GMDS: variants seen among roughly 807,000 people sequenced by gnomAD.
GMDS encodes GDP-mannose 4,6-dehydratase.
Under a neutral mutation model 49.9 loss-of-function variants are expected in GMDS, and 20 were observed. The ratio of observed to expected loss-of-function variants is 0.40; its 90% CI spans 0.28 to 0.58. The LOEUF (loss-of-function observed/expected upper bound fraction) is 0.58, where lower values mean the gene tolerates loss of function less well. Among genes scored for constraint, GMDS ranks in the 20% least tolerant of loss-of-function variants. The pLI is 0.42. For missense variants in GMDS, 362 were observed against 481.4 expected, an observed-to-expected ratio of 0.75 and a Z score of 2.32; for synonymous variants, 177 against 178.6, an observed-to-expected ratio of 0.99 and a Z score of 0.07.
intron 9 of GMDS, chr6:1,625,259 TG>T (rs985394174): frequency 6.6e-6 from 1 of 152,234 alleles, no homozygotes; most frequent in African/African-American, 2.4e-5. Context: ...AAAACGAAAC[TG>T]GAGTTTCACG....
intron 1 of GMDS, among the ~76,000 whole-genome samples, chr6:2,153,874 C>A (rs948718056): frequency 6.6e-6 from 1 of 152,016 alleles, no homozygotes; most frequent in African/African-American, 2.4e-5. Context: ...GAACTGTATG[C>A]AGAATATAAC....
intron 4 of GMDS, among the ~76,000 whole-genome samples, chr6:2,074,323 T>C (rs919524931): frequency 6.6e-6 from 1 of 152,234 alleles, no homozygotes; most frequent in African/African-American, 2.4e-5. Context: ...CTTTGGAGAA[T>C]TGTCCATTTA....
chr6:2,177,111 C>T (rs1490778382), intron 1 of GMDS, among the ~76,000 whole-genome samples: 1 of 152,076 alleles, frequency 6.6e-6, no homozygotes, highest in African/African-American at 2.4e-5. Flanking sequence ...AAGCAGGAGG[C>T]ATGTTTTCCT....
chr6:1,986,353 G>C (rs1765546109), intron 4 of GMDS, among the ~76,000 whole-genome samples: 1 of 152,100 alleles, frequency 6.6e-6, no homozygotes. Context: ...CTCAATGCTG[G>C]AGGCTGATAC....
intron 1 of GMDS, among the ~76,000 whole-genome samples, chr6:2,210,599 G>A (rs2127582607): frequency 6.6e-6 from 1 of 152,266 alleles, no homozygotes; most frequent in Middle Eastern, 3.4e-3. Context: ...CCCAAGGTGG[G>A]AAAGGAAATC....
chr6:1,979,107 A>T (rs1329104262), intron 4 of GMDS, among the ~76,000 whole-genome samples: 1 of 152,226 alleles, frequency 6.6e-6, no homozygotes, highest in Non-Finnish European at 1.5e-5. Context: ...ATCAACACAA[A>T]AACTCTGAAA....
chr6:2,118,201 G>A (rs918450346), intron 2 of GMDS, among the ~76,000 whole-genome samples: 1 of 151,944 alleles, frequency 6.6e-6, no homozygotes, highest in Non-Finnish European at 1.5e-5. Context: ...TGGGGGGTGG[G>A]GGGACAGTTG....
intron 9 of GMDS, among the ~76,000 whole-genome samples, chr6:1,650,990 GCA>G (rs1763636818): frequency 6.6e-6 from 1 of 152,214 alleles, no homozygotes; most frequent in African/African-American, 2.4e-5. Flanking sequence ...AAAGTACTCG[GCA>G]ACCCTGCCAT....
chr6:1,740,159 T>C (rs1767209001), intron 8 of GMDS, among the ~76,000 whole-genome samples: 1 of 152,216 alleles, frequency 6.6e-6, no homozygotes, highest in South Asian at 2.1e-4. Context: ...ATCTGTGTTA[T>C]TCACATATAC....
At position 2,216,519 on chromosome 6, in the gene GMDS, G is replaced by A. The variant is rs528323339; in HGVS notation, c.102+28802C>T. ...AGCGTGTGTGAGCACGTGTGCACAT[G>A]GGTAAACTGCACTCACACTTCTTTG... On this transcript the variant is annotated intron_variant, in intron 1 of 10. Coordinates refer to ENST00000380815, the MANE Select transcript of GMDS (RefSeq NM_001500.4). Among the ~76,000 whole-genome samples the A allele has an allele frequency of 2.5e-4, 38 of 152,308 alleles. 2 individuals carry two copies. The South Asian group carries it at 7.9e-3, about 32-fold the overall frequency.
At chr6:1,827,915 A>T (rs897835677) in intron 7 of GMDS, among the ~76,000 whole-genome samples, 1 of 152,196 alleles carries the variant, frequency 6.6e-6, no homozygotes, top group East Asian at 1.9e-4. Flanking sequence ...AGAAAGGAAA[A>T]GGAAAGTACA....
intron 9 of GMDS, among the ~76,000 whole-genome samples, chr6:1,680,830 G>A (rs970190648): frequency 1.3e-5 from 2 of 152,160 alleles, no homozygotes; most frequent in Non-Finnish European, 2.9e-5. Flanking sequence ...GATGCCCAGA[G>A]CCCTTGCCAT....
chr6:1,643,775 T>G (rs1763405994), intron 9 of GMDS, among the ~76,000 whole-genome samples: 1 of 152,130 alleles, frequency 6.6e-6, no homozygotes, highest in Admixed American at 6.5e-5. Context: ...TCATATACTT[T>G]AAGTGGGTGA....
intron 7 of GMDS, among the ~76,000 whole-genome samples, chr6:1,784,049 T>TAA (rs1165001355): frequency 6.6e-6 from 1 of 151,778 alleles, no homozygotes; most frequent in Non-Finnish European, 1.5e-5. Flanking sequence ...CTAACAGGAG[T>TAA]AAAAAAAATT....
At chr6:1,776,482 G>GT (rs1002939972) in intron 7 of GMDS, among the ~76,000 whole-genome samples, 15 of 151,134 alleles carry the variant, frequency 9.9e-5, no homozygotes, top group African/African-American at 3.4e-4. Flanking sequence ...GAGGCCAGGA[G>GT]TTTGATACCA....
intron 1 of GMDS, among the ~76,000 whole-genome samples, chr6:2,222,641 C>T (rs975512075): frequency 2.6e-5 from 4 of 152,200 alleles, no homozygotes; most frequent in African/African-American, 9.7e-5. Context: ...CTAAGAAATG[C>T]TGTGCTGCTT....
intron 9 of GMDS, among the ~76,000 whole-genome samples, chr6:1,629,233 T>G (rs1195782933): frequency 2.0e-5 from 3 of 152,232 alleles, no homozygotes; most frequent in African/African-American, 7.2e-5. Context: ...GGTTTAATCC[T>G]TCCCAAAGAG....
At chr6:2,002,857 A>T (rs966200417) in intron 4 of GMDS, among the ~76,000 whole-genome samples, 1 of 152,172 alleles carries the variant, frequency 6.6e-6, no homozygotes, top group African/African-American at 2.4e-5. Flanking sequence ...TATCTTCACA[A>T]ATTAGATGTA....
intron 4 of GMDS, among the ~76,000 whole-genome samples, chr6:2,082,531 A>T (rs1490184744): frequency 1.3e-5 from 2 of 152,214 alleles, no homozygotes; most frequent in African/African-American, 4.8e-5. Flanking sequence ...CATTGCTAAA[A>T]ACTCAAAGTG....
Sources: gnomAD v4.1 joint callset for allele counts (sites outside exome capture counted in the v4.1 genomes callset) on GRCh38, gnomAD v4.1.1 for gene constraint, MANE v1.5 for transcripts, NCBI Gene and HGNC (gene_info 2026-07-23, HGNC 2026-07-21) for gene names.